The following AGAP1 variants were observed in gnomAD, a reference collection of about 807,000 sequenced individuals.
AGAP1 encodes arf-GAP with GTPase, ANK repeat and PH domain-containing protein 1.
Under a neutral mutation model 105.3 loss-of-function variants are expected in AGAP1, and 29 were observed. That is an observed-to-expected ratio of 0.28 (90% CI 0.21 to 0.38). AGAP1 has a LOEUF of 0.38. AGAP1 is among the 10% of genes least tolerant of loss of function. The pLI is 1.00. For synonymous variants in AGAP1, 509 were observed against 485.9 expected, an observed-to-expected ratio of 1.05 and a Z score of -0.63; for missense variants, 998 against 1,165.1, an observed-to-expected ratio of 0.86 and a Z score of 2.09.
intron 9 of AGAP1, among the ~76,000 whole-genome samples, chr2:235,837,024 T>C (rs1960247424): frequency 6.6e-6 from 1 of 152,148 alleles, no homozygotes; most frequent in Non-Finnish European, 1.5e-5. Context: ...TTGCTCTTGT[T>C]GCCCGGTCTG....
intron 13 of AGAP1, among the ~76,000 whole-genome samples, chr2:235,972,759 G>C (rs6744942): frequency 6.6e-6 from 1 of 152,088 alleles, no homozygotes; most frequent in Non-Finnish European, 1.5e-5. Flanking sequence ...TAGAGTGTTC[G>C]TGCCTTTCAC....
In AGAP1 at chr2:235,932,498, G is replaced by A. The variant is rs901565850; in HGVS notation, c.1483+1575G>A. On this transcript the variant is annotated intron_variant, in intron 12 of 17. Transcript: ENST00000304032. Reference sequence around the variant, plus strand: ...GGTTTCATTCTGTGGCCGCCATCTCGTGAAGGTGTTCTTGCATAGGGCCAC... The same window carrying A: ...GGTTTCATTCTGTGGCCGCCATCTCATGAAGGTGTTCTTGCATAGGGCCAC... 5.9e-5 allele frequency among the ~76,000 whole-genome samples: 9 copies of A among 152,216 alleles called. 1 individual carries two copies. Among genetic ancestry groups the A allele is most frequent in the Non-Finnish European group, 8.8e-5 (6 of 68,030 alleles).
intron 11 of AGAP1, among the ~76,000 whole-genome samples, chr2:235,917,563 C>T (rs544354345): frequency 2.0e-5 from 3 of 152,016 alleles, no homozygotes; most frequent in Admixed American, 6.6e-5. Context: ...CGCTCTCCGC[C>T]GTGACAGGGA....
chr2:235,505,232 AAAG>A (rs1489979532), intron 1 of AGAP1, among the ~76,000 whole-genome samples: 5 of 152,360 alleles, frequency 3.3e-5, no homozygotes, highest in Admixed American at 2.6e-4. Flanking sequence ...TGAAGACACA[AAAG>A]AAGAAAAAAA....
chr2:235,771,997 A>AAT (rs377170250), intron 6 of AGAP1, among the ~76,000 whole-genome samples: 1 of 131,666 alleles, frequency 7.6e-6, no homozygotes. Flanking sequence ...TTCTTTTCTT[A>AAT]TCTTTTTTTT....
chr2:235,511,811 TGTGA>T (rs546771581), intron 1 of AGAP1, among the ~76,000 whole-genome samples: 181 of 152,282 alleles, frequency 1.2e-3, no homozygotes, highest in South Asian at 3.5e-3. Flanking sequence ...TGCGTATTTG[TGTGA>T]GTGTGTGTGA....
intron 2 of AGAP1, 141 bp downstream of exon 2, chr2:235,709,378 G>T (rs1950714093): frequency 1.0e-6 from 1 of 966,526 alleles, no homozygotes; most frequent in Non-Finnish European, 1.6e-6. Flanking sequence ...GGAAGGGCCA[G>T]GTATAGTTGA....
In AGAP1 at chr2:235,728,700, A is replaced by G. The variant is rs975135610; in HGVS notation, c.310+11056A>G. 1.3e-5 allele frequency among the ~76,000 whole-genome samples: 2 copies of G among 152,140 alleles called. No individual in the cohort carries two copies. The highest frequency in any genetic ancestry group is 4.8e-5 in the African/African-American group (2 of 41,414). On this transcript the variant is annotated intron_variant, in intron 3 of 17. Coordinates refer to ENST00000304032, the MANE Select transcript of AGAP1 (RefSeq NM_001037131.3). The surrounding 1 kb of genome is among the most constrained non-coding windows in gnomAD (Gnocchi z 4.3). The stretch of plus-strand genomic sequence containing the variant: ...AATGTTGTATATTTTTTTAAAAATT[A>G]ACACCACCATAAGCAAGAAGGAAAA...
rs866908762 is a variant in AGAP1 at position 235,754,832 on chromosome 2, A to G, written c.673+4344A>G. Among the ~76,000 whole-genome samples the G allele has an allele frequency of 1.3e-5, 2 of 152,228 alleles. No individual in the cohort carries two copies. Among genetic ancestry groups the G allele is most frequent in the Non-Finnish European group, 2.9e-5 (2 of 68,042 alleles). On this transcript the variant is annotated intron_variant, in intron 6 of 17. Coordinates refer to ENST00000304032, the MANE Select transcript of AGAP1 (RefSeq NM_001037131.3). The surrounding 1 kb of genome is among the most constrained non-coding windows in gnomAD (Gnocchi z 4.6). The stretch of plus-strand genomic sequence containing the variant: ...CCCTTCCTCCGTGAAGTTAAGGTCC[A>G]CTAGGGAGGGTAAACATCAAACGGT...
intron 12 of AGAP1, among the ~76,000 whole-genome samples, chr2:235,948,209 G>A (rs932446871): frequency 1.3e-5 from 2 of 152,204 alleles, no homozygotes; most frequent in Non-Finnish European, 2.9e-5. Context: ...TAGAGACAGG[G>A]TCTCACTGTG....
At chr2:235,509,626 C>A (rs1941986377) in intron 1 of AGAP1, among the ~76,000 whole-genome samples, 2 of 152,118 alleles carry the variant, frequency 1.3e-5, no homozygotes, top group Non-Finnish European at 2.9e-5. Context: ...GTATGGAAGG[C>A]AACCATTCCC....
intron 1 of AGAP1, among the ~76,000 whole-genome samples, chr2:235,651,737 T>C (rs1947602185): frequency 6.6e-6 from 1 of 152,196 alleles, no homozygotes; most frequent in Non-Finnish European, 1.5e-5. Context: ...GAAATGTGAA[T>C]GTATGAAATG....
At chr2:235,738,960 T>C (rs546417915) in intron 3 of AGAP1, among the ~76,000 whole-genome samples, 1 of 152,326 alleles carries the variant, frequency 6.6e-6, no homozygotes, top group South Asian at 2.1e-4. Context: ...AGGGAAATAA[T>C]ACTACTATCA....
chr2:235,636,495 T>C (rs942323843), intron 1 of AGAP1, among the ~76,000 whole-genome samples: 5 of 152,204 alleles, frequency 3.3e-5, no homozygotes, highest in East Asian at 1.9e-4. Flanking sequence ...TCAGTCACTG[T>C]CAGGGACGGC....
rs1428601668 is a variant in AGAP1 at position 235,596,169 on chromosome 2, G to C, written c.163+101320G>C. Among the ~76,000 whole-genome samples, 3 of 152,216 alleles carry C rather than the reference G, an allele frequency of 2.0e-5. No individual in the cohort carries two copies. Among genetic ancestry groups the C allele is most frequent in the Admixed American group, 2.0e-4 (3 of 15,280 alleles). On this transcript the variant is annotated intron_variant, in intron 1 of 17. Transcript: ENST00000304032. The surrounding 1 kb of genome is among the most constrained non-coding windows in gnomAD (Gnocchi z 5.9). ...CTTCATGTCAAGTCTAAGTGGCACAGCTATCCATGAACACTGTAAACATTC... is the reference window on the plus strand; with the variant it reads ...CTTCATGTCAAGTCTAAGTGGCACACCTATCCATGAACACTGTAAACATTC...
intron 1 of AGAP1, among the ~76,000 whole-genome samples, chr2:235,500,392 C>G (rs1048383005): frequency 6.6e-6 from 1 of 152,132 alleles, no homozygotes; most frequent in Non-Finnish European, 1.5e-5. Flanking sequence ...GCAGGACGCA[C>G]GAATGTGCCT....
At chr2:235,564,181 C>G (rs972699173) in intron 1 of AGAP1, among the ~76,000 whole-genome samples, 2 of 152,180 alleles carry the variant, frequency 1.3e-5, no homozygotes, top group Non-Finnish European at 2.9e-5. Context: ...CTTTATCCAT[C>G]GAATCCTAAA....
chr2:235,844,395 C>T (rs66610954), intron 9 of AGAP1, among the ~76,000 whole-genome samples: 74,259 of 152,050 alleles, frequency 0.49, 20,921 homozygotes, highest in East Asian at 0.8. Context: ...CTCGTGTTCC[C>T]GGATGGTCCT....
chr2:235,907,211 C>T (rs2051348932), intron 10 of AGAP1, among the ~76,000 whole-genome samples: 1 of 152,220 alleles, frequency 6.6e-6, no homozygotes, highest in East Asian at 1.9e-4. Flanking sequence ...TATCTCTCTG[C>T]ATCGGGTAAC....
Sources: gnomAD v4.1 joint callset for allele counts (sites outside exome capture counted in the v4.1 genomes callset) on GRCh38, gnomAD v4.1.1 for gene constraint, Gnocchi (gnomAD v3.1) non-coding constraint, MANE v1.5 for transcripts, NCBI Gene and HGNC (gene_info 2026-07-23, HGNC 2026-07-21) for gene names.